Variants in IPO5 observed in about 807,000 individuals in gnomAD.
IPO5 encodes the protein importin 5, also known as importin-5.
A neutral mutation model predicts 143.3 loss-of-function variants in IPO5; 18 were observed. The observed-to-expected ratio is 0.13, with a 90% CI of 0.09 to 0.19. IPO5 has a LOEUF of 0.19. Among genes scored for constraint, IPO5 ranks in the 10% least tolerant of loss-of-function variants. IPO5 has a pLI of 1.00. For missense variants in IPO5, 1,013 were observed against 1,336.9 expected (o/e 0.76, Z 3.78); for synonymous variants, 477 against 465.7 (o/e 1.02, Z -0.31).
Position 98,018,690 on chromosome 13 carries a change from G to A in IPO5, c.2822G>A (p.Arg941His), listed in dbSNP as rs746630576. The stretch of plus-strand genomic sequence containing the variant: ...GCACAGTACGGTGGAGATAATTATC[G>A]CCCTTTTTGTACAGGTACGTTTGCT... ...VMAQYGGDNY[R>H]PFCTEALPLL... Residue 941 changes from arginine to histidine, a missense_variant, in exon 26 of 29, where the codon CGC becomes CAC. By Grantham distance (29) the Arg-to-His change is conservative. Coordinates refer to ENST00000651721, the MANE Select transcript of IPO5 (RefSeq NM_002271.6). The A allele has an allele frequency of 1.2e-5, 20 of 1,613,422 alleles. No homozygotes were observed. The highest frequency in any genetic ancestry group is 3.3e-5 in the South Asian group (3 of 91,030).
intron 24 of IPO5, among the ~76,000 whole-genome samples, chr13:98,016,142 C>T (rs1203462867): frequency 9.9e-5 from 15 of 152,154 alleles, no homozygotes; most frequent in African/African-American, 2.7e-4. Flanking sequence ...ACACTGTTGA[C>T]GGTCTGGGGC....
intron 24 of IPO5, 97 bp downstream of exon 24, chr13:98,015,878 T>C: frequency 7.9e-6 from 6 of 755,740 alleles, no homozygotes; most frequent in South Asian, 3.5e-5. Context: ...GTCATTCTGA[T>C]GTAATTATCA....
At chr13:98,008,482 T>A (rs1465414218) in intron 18 of IPO5, among the ~76,000 whole-genome samples, 1 of 152,174 alleles carries the variant, frequency 6.6e-6, no homozygotes, top group Non-Finnish European at 1.5e-5. Context: ...TGAAGATTCA[T>A]TTATCCAACA....
intron 2 of IPO5, among the ~76,000 whole-genome samples, chr13:97,966,249 TATG>T (rs1885327983): frequency 6.6e-6 from 1 of 151,904 alleles, no homozygotes; most frequent in African/African-American, 2.4e-5. Context: ...CTCAACTAAA[TATG>T]ATGTTAACTG....
chr13:97,986,697 A>G (rs1011050440), intron 6 of IPO5, among the ~76,000 whole-genome samples: 7 of 152,216 alleles, frequency 4.6e-5, no homozygotes, highest in African/African-American at 1.2e-4. Context: ...TAAGTGAGGT[A>G]AAAGGCAAAC....
At chr13:97,964,443 CTTTTTTTTT>C (rs369952371) in intron 2 of IPO5, among the ~76,000 whole-genome samples, 2 of 108,216 alleles carry the variant, frequency 1.8e-5, no homozygotes, top group Non-Finnish European at 3.8e-5. Flanking sequence ...CCATTTCTTT[CTTTTTTTTT>C]TTTTTTTTTT....
intron 13 of IPO5, chr13:98,000,874 A>G: frequency 1.9e-6 from 1 of 537,556 alleles, no homozygotes; most frequent in Admixed American, 3.2e-5. Flanking sequence ...TTATTATTTG[A>G]ATTTTTATGG....
Position 98,015,626 on chromosome 13 carries a change from C to A in IPO5, c.2422C>A (p.Gln808Lys). 2 of 1,606,816 alleles carry A rather than the reference C, an allele frequency of 1.2e-6. No homozygotes were observed. Among genetic ancestry groups the A allele is most frequent in the South Asian group, 2.2e-5 (2 of 90,392 alleles). The change falls in exon 23 of 29, where the codon CAA becomes AAA. Residue 808 changes from glutamine to lysine, a missense_variant. By Grantham distance (53) the Gln-to-Lys change is moderately conservative. Around this residue, in one of 2 missense-constraint regions of IPO5, gnomAD observed 685 missense variants for 994.9 expected, o/e 0.69. Coordinates refer to ENST00000651721, the MANE Select transcript of IPO5 (RefSeq NM_002271.6). ...AAAGCTTGAAGAACATTTTAAAAATCAAGAATTACGACAAGGTAAGTTTTC... is the reference window on the plus strand; with the variant it reads ...AAAGCTTGAAGAACATTTTAAAAATAAAGAATTACGACAAGGTAAGTTTTC... ...KAKLEEHFKN[Q>K]ELRQVKRQDE...
chr13:97,980,679 T>G (rs1209735264), intron 4 of IPO5, among the ~76,000 whole-genome samples: 1 of 151,858 alleles, frequency 6.6e-6, no homozygotes, highest in Non-Finnish European at 1.5e-5. Flanking sequence ...AATAAAAAAT[T>G]AGCCGGGCGC....
At chr13:98,006,020 C>T (rs1253276264) in intron 16 of IPO5, 110 bp from the exon 17 acceptor site, 29 of 718,768 alleles carry the variant, frequency 4.0e-5, no homozygotes, top group Non-Finnish European at 5.3e-5. Flanking sequence ...GAGGTGGTCT[C>T]ATTCTGCTGT....
chr13:98,009,995 G>A lies in IPO5; in HGVS notation c.1915G>A (p.Glu639Lys), dbSNP rs754857544. The A allele has an allele frequency of 6.2e-6, 10 of 1,614,118 alleles. No homozygotes were observed. The highest frequency in any genetic ancestry group is 2.2e-5 in the East Asian group (1 of 44,876). Residue 639 changes from glutamate to lysine, a missense_variant, in exon 19 of 29, where the codon GAA (glutamate) becomes AAA (lysine). Around this residue, in one of 2 missense-constraint regions of IPO5, gnomAD observed 685 missense variants for 994.9 expected, o/e 0.69. Coordinates refer to ENST00000651721, the MANE Select transcript of IPO5 (RefSeq NM_002271.6). ...AATGAAGACGGCTTCAATTAAGCCC[G>A]AAGTAGCCCTTTTAGATAGTAGGTG... ...PLMKTASIKP[E>K]VALLDTQDME... is the part of the protein sequence containing the mutation.
chr13:98,001,362 A>G (rs1208826719), intron 13 of IPO5, among the ~76,000 whole-genome samples: 5 of 152,144 alleles, frequency 3.3e-5, no homozygotes, highest in Admixed American at 1.3e-4. Context: ...TTTTGGTGGA[A>G]TCTCGCTCTG....
chr13:97,982,612 A>C (rs1248896439), intron 5 of IPO5, 29 bp downstream of exon 5: 1 of 1,334,226 alleles, frequency 7.5e-7, no homozygotes, highest in Non-Finnish European at 1.1e-6. Flanking sequence ...TGACTATTAC[A>C]TTCTTAGAAA....
chr13:97,993,394 A>AT (rs1887961302), intron 11 of IPO5, among the ~76,000 whole-genome samples, 169 bp downstream of exon 11: 1 of 152,232 alleles, frequency 6.6e-6, no homozygotes. Flanking sequence ...GGACCCCCAC[A>AT]TTGTGGTTAT....
chr13:97,993,046 T>C, intron 10 of IPO5, 32 bp downstream of exon 10: 1 of 1,611,414 alleles, frequency 6.2e-7, no homozygotes, highest in Admixed American at 1.7e-5. Flanking sequence ...ACGTTCTGTT[T>C]GTTATTTTCA....
At position 98,021,142 on chromosome 13, in the gene IPO5, A is replaced by C; in HGVS notation, c.3207+9A>C. On this transcript the variant is annotated intron_variant, in intron 28 of 28. Coordinates refer to ENST00000651721, the MANE Select transcript of IPO5 (RefSeq NM_002271.6). ...TCGTTCGCCAAGTACAGGTAAGCTG[A>C]TTTGGTTGAATTGGGGAGGGGGAGA... 1 of 1,586,320 alleles carries C rather than the reference A, an allele frequency of 6.3e-7. No individual in the cohort carries two copies. Among genetic ancestry groups the C allele is most frequent in the Non-Finnish European group, 8.5e-7 (1 of 1,169,780 alleles).
At chr13:98,017,760 A>G (rs1890223006) in intron 25 of IPO5, among the ~76,000 whole-genome samples, 1 of 152,096 alleles carries the variant, frequency 6.6e-6, no homozygotes, top group South Asian at 2.1e-4. Context: ...GACCTACATC[A>G]ACACATCATA....
intron 18 of IPO5, among the ~76,000 whole-genome samples, chr13:98,009,396 T>C (rs573536619): frequency 2.6e-4 from 39 of 152,348 alleles, no homozygotes; most frequent in Non-Finnish European, 4.9e-4. Context: ...CAGCCACTTA[T>C]GAGAAAATTA....
chr13:97,993,964 T>C (rs1262732394), intron 11 of IPO5, among the ~76,000 whole-genome samples: 1 of 152,232 alleles, frequency 6.6e-6, no homozygotes, highest in Non-Finnish European at 1.5e-5. Flanking sequence ...GTTCATGTTG[T>C]ACTGACTGCC....
Sources: allele counts gnomAD v4.1 joint callset (sites outside exome capture counted in the v4.1 genomes callset), GRCh38; gene constraint gnomAD v4.1.1; regional missense constraint gnomAD v4.1.1; transcripts MANE v1.5; gene names NCBI Gene and HGNC (gene_info 2026-07-23, HGNC 2026-07-21).